SYN3: variants seen among roughly 807,000 people sequenced by gnomAD.
SYN3 encodes synapsin-3.
SYN3 carries 35 observed loss-of-function variants against 65.8 expected under a neutral mutation model. That is an observed-to-expected ratio of 0.53 (90% CI 0.41 to 0.70). The LOEUF (loss-of-function observed/expected upper bound fraction) is 0.70, where lower values mean the gene tolerates loss of function less well. SYN3 is among the 30% of genes least tolerant of loss of function. The pLI, the probability that SYN3 is intolerant of heterozygous loss-of-function variation, is 0.00. For synonymous variants in SYN3, 270 were observed against 292.9 expected, an observed-to-expected ratio of 0.92 and a Z score of 0.80; for missense variants, 680 against 749.0, an observed-to-expected ratio of 0.91 and a Z score of 1.08.
intron 1 of SYN3, among the ~76,000 whole-genome samples, chr22:33,021,185 T>C (rs2053553610): frequency 6.6e-6 from 1 of 152,114 alleles, no homozygotes; most frequent in African/African-American, 2.4e-5. Flanking sequence ...TGCAGCTCAG[T>C]GACATCTAAG....
At position 32,956,219 on chromosome 22, in the gene SYN3, G is replaced by A. The variant is rs143585305; in HGVS notation, c.369+24426C>T. Among the ~76,000 whole-genome samples, 1,296 of 147,020 alleles carry A rather than the reference G, an allele frequency of 8.8e-3. 20 individuals are homozygous for A. Among genetic ancestry groups the A allele is most frequent in the African/African-American group, 0.031 (1,225 of 39,390 alleles). The stretch of plus-strand genomic sequence containing the variant: ...CGCCCAGGCCAGAATGCAGAGGCAC[G>A]ATCTTGGCTCACTGCAACCTCCACC... On this transcript the variant is annotated intron_variant, in intron 3 of 13. Coordinates refer to ENST00000358763, the MANE Select transcript of SYN3 (RefSeq NM_003490.4).
chr22:33,052,604 G>C (rs1009939604), intron 1 of SYN3, among the ~76,000 whole-genome samples: 6 of 151,580 alleles, frequency 4.0e-5, no homozygotes, highest in Non-Finnish European at 7.4e-5. Flanking sequence ...AAAAGAGAGA[G>C]AGAGAGCTCT....
intron 6 of SYN3, among the ~76,000 whole-genome samples, chr22:32,728,835 G>A (rs575974462): frequency 1.3e-5 from 2 of 152,348 alleles, no homozygotes; most frequent in South Asian, 2.1e-4. Flanking sequence ...ATGGGTTGAA[G>A]GTTGCCCTGG....
intron 1 of SYN3, among the ~76,000 whole-genome samples, chr22:33,039,471 G>C (rs952848557): frequency 1.3e-5 from 2 of 151,348 alleles, no homozygotes; most frequent in Admixed American, 6.6e-5. Flanking sequence ...CGCCTCCTGG[G>C]TTCAAGCGAT....
At chr22:33,036,269 T>C (rs1277744729) in intron 1 of SYN3, among the ~76,000 whole-genome samples, 5 of 152,360 alleles carry the variant, frequency 3.3e-5, no homozygotes, top group African/African-American at 1.2e-4. Context: ...ACCTCGATGA[T>C]TGAGACTTAT....
At chr22:32,641,607 CAAAAAAAAAAAAA>C (rs34461957) in intron 6 of SYN3, among the ~76,000 whole-genome samples, 16 of 67,962 alleles carry the variant, frequency 2.4e-4, no homozygotes, top group South Asian at 1.5e-3. Context: ...GACTCCATCT[CAAAAAAAAAAAAA>C]AAAAAAAAAA....
intron 3 of SYN3, among the ~76,000 whole-genome samples, chr22:32,978,472 TACCC>T (rs1471304198): frequency 6.6e-6 from 1 of 152,118 alleles, no homozygotes; most frequent in Admixed American, 6.5e-5. Context: ...TGTCACTCCA[TACCC>T]TGTACTTCTG....
At chr22:32,520,304 GCC>G (rs2057856771) in intron 12 of SYN3, among the ~76,000 whole-genome samples, 2 of 149,804 alleles carry the variant, frequency 1.3e-5, no homozygotes, top group African/African-American at 2.5e-5. Flanking sequence ...TTTTCTTTCT[GCC>G]TTTTTTTTTT....
At chr22:32,539,642 G>A (rs1028292332) in intron 8 of SYN3, among the ~76,000 whole-genome samples, 20 of 152,314 alleles carry the variant, frequency 1.3e-4, no homozygotes, top group African/African-American at 3.8e-4. Context: ...TTGAATGGCC[G>A]GGGAAATTCT....
At position 32,508,834 on chromosome 22, in the gene SYN3, T is replaced by C. The variant is rs150660305; in HGVS notation, c.*4858A>G. Among the ~76,000 whole-genome samples, 2 of 151,368 alleles carry C rather than the reference T, an allele frequency of 1.3e-5. No homozygotes were observed. Among genetic ancestry groups the C allele is most frequent in the East Asian group, 3.9e-4 (2 of 5,192 alleles). On this transcript the variant is annotated 3_prime_UTR_variant, in exon 14 of 14. Coordinates refer to ENST00000358763, the MANE Select transcript of SYN3 (RefSeq NM_003490.4). ...CAATGTGCTCTGAGCTTCACTCTCT[T>C]GACCCATGCACAAGATACCTGCACT...
At chr22:32,517,671 A>C (rs2057800665) in intron 13 of SYN3, among the ~76,000 whole-genome samples, 1 of 152,176 alleles carries the variant, frequency 6.6e-6, no homozygotes, top group Non-Finnish European at 1.5e-5. Context: ...ACTCTATAGG[A>C]GACACCAGCA....
intron 6 of SYN3, among the ~76,000 whole-genome samples, chr22:32,712,994 C>T (rs544450785): frequency 6.6e-6 from 1 of 152,262 alleles, no homozygotes; most frequent in South Asian, 2.1e-4. Flanking sequence ...ATGTGCCTCT[C>T]CCCATTCTCT....
In SYN3 at chr22:32,965,975, C is replaced by T. The variant is rs546378833; in HGVS notation, c.369+14670G>A. Among the ~76,000 whole-genome samples the T allele has an allele frequency of 5.8e-4, 88 of 152,222 alleles. 1 individual carries two copies. The highest frequency in any genetic ancestry group is 4.4e-3 in the Admixed American group (68 of 15,284). ...TCCCAAAGTGCTGGGATTACAGGCACGGGCCACCGCGCCCGGCCAGATTCC... is the reference window on the plus strand; with the variant it reads ...TCCCAAAGTGCTGGGATTACAGGCATGGGCCACCGCGCCCGGCCAGATTCC... On this transcript the variant is annotated intron_variant, in intron 3 of 13. Transcript: ENST00000358763.
chr22:32,989,893 A>G (rs1178161960), intron 2 of SYN3, among the ~76,000 whole-genome samples: 2 of 150,838 alleles, frequency 1.3e-5, no homozygotes, highest in South Asian at 2.1e-4. Flanking sequence ...TCTCCTCTCT[A>G]AAGACACAGC....
intron 6 of SYN3, among the ~76,000 whole-genome samples, chr22:32,742,098 C>A (rs2044789112): frequency 6.6e-6 from 1 of 151,866 alleles, no homozygotes; most frequent in African/African-American, 2.4e-5. Context: ...ACGGTAAAAC[C>A]CCACCTCTAC....
intron 4 of SYN3, among the ~76,000 whole-genome samples, chr22:32,925,700 G>A (rs2050449891): frequency 6.6e-6 from 1 of 152,104 alleles, no homozygotes; most frequent in Non-Finnish European, 1.5e-5. Flanking sequence ...TACTTTGGCT[G>A]CCACTAGAAT....
intron 3 of SYN3, among the ~76,000 whole-genome samples, chr22:32,965,093 C>T (rs919812378): frequency 1.3e-5 from 2 of 152,268 alleles, no homozygotes; most frequent in South Asian, 2.1e-4. Context: ...TGTGTCGCCT[C>T]GGGCAGGACA....
intron 6 of SYN3, among the ~76,000 whole-genome samples, chr22:32,782,219 C>T (rs1291443188): frequency 2.0e-5 from 3 of 152,010 alleles, no homozygotes; most frequent in African/African-American, 7.3e-5. Flanking sequence ...CAGGCGGGTG[C>T]CACCACGCTC....
chr22:32,805,168 G>A (rs1377967345), intron 6 of SYN3, among the ~76,000 whole-genome samples: 2 of 152,172 alleles, frequency 1.3e-5, no homozygotes, highest in Admixed American at 6.5e-5. Flanking sequence ...TGGGAGGAAT[G>A]GGGCTGTAGG....
Sources: allele counts gnomAD v4.1 joint callset (sites outside exome capture counted in the v4.1 genomes callset), GRCh38; gene constraint gnomAD v4.1.1; transcripts MANE v1.5; gene names NCBI Gene and HGNC (gene_info 2026-07-23, HGNC 2026-07-21).